CRISPLD2: variants seen among roughly 807,000 people sequenced by gnomAD.
The protein encoded by CRISPLD2 is cysteine rich secretory protein LCCL domain containing 2.
A neutral mutation model predicts 71.1 loss-of-function variants in CRISPLD2; 47 were observed. The observed-to-expected ratio is 0.66, with a 90% CI of 0.52 to 0.84. The LOEUF is 0.84. Ranked by LOEUF, CRISPLD2 falls within the 40% of genes least tolerant of loss-of-function variation. The pLI is 0.00. For synonymous variants in CRISPLD2, 317 were observed against 250.1 expected, an observed-to-expected ratio of 1.27 and a Z score of -2.52; for missense variants, 830 against 651.1, an observed-to-expected ratio of 1.27 and a Z score of -2.99.
chr16:84,873,494 A>AAAC (rs1234200442), intron 10 of CRISPLD2: 70 of 162,848 alleles, frequency 4.3e-4, no homozygotes, highest in African/African-American at 1.4e-3. Context: ...AAAAAAAAGA[A>AAAC]AACAACAACA....
At position 84,857,868 on chromosome 16, in the gene CRISPLD2, T is replaced by C. The variant is rs1233481361; in HGVS notation, c.709+3039T>C. Among the ~76,000 whole-genome samples, 3 of 152,184 alleles carry C rather than the reference T, an allele frequency of 2.0e-5. No individual in the cohort carries two copies. In the East Asian group the frequency reaches 5.8e-4, roughly 29 times the overall value. On this transcript the variant is annotated intron_variant, in intron 6 of 14. Transcript: ENST00000262424. The stretch of plus-strand genomic sequence containing the variant: ...TTGTGCTTTCAGGACTTGCTTGAGC[T>C]CAATCACACATATGCCACTTCCATT...
At chr16:84,850,711 G>T (rs371981993) in intron 5 of CRISPLD2, 28 bp downstream of exon 5, 5 of 1,575,890 alleles carry the variant, frequency 3.2e-6, no homozygotes, top group Non-Finnish European at 3.5e-6. Context: ...CGTTGTATGG[G>T]GTGGGGGTTG....
intron 13 of CRISPLD2, among the ~76,000 whole-genome samples, chr16:84,881,401 T>C (rs1174809121): frequency 6.6e-6 from 1 of 152,224 alleles, no homozygotes; most frequent in East Asian, 1.9e-4. Flanking sequence ...GCCCGGTTTT[T>C]CTTAGGTGGA....
Position 84,865,219 on chromosome 16 carries a change from G to A in CRISPLD2, c.710-1678G>A, listed in dbSNP as rs533794761. Among the ~76,000 whole-genome samples, 9 of 150,656 alleles carry A rather than the reference G, an allele frequency of 6.0e-5. No homozygotes were observed. In the East Asian group the frequency reaches 9.8e-4, roughly 16 times the overall value. ...CGCCCAGGCTGGAGTGCAGTGGCAC[G>A]ATCTCCACTCACTGCAACCTCCACC... On this transcript the variant is annotated intron_variant, in intron 6 of 14. Transcript: ENST00000262424.
chr16:84,835,033 C>T (rs1213050957), intron 1 of CRISPLD2, among the ~76,000 whole-genome samples: 3 of 152,122 alleles, frequency 2.0e-5, no homozygotes, highest in Non-Finnish European at 4.4e-5. Flanking sequence ...GTGCACCCAG[C>T]ACTGGGCTCT....
At chr16:84,861,483 TG>T (rs1297910547) in intron 6 of CRISPLD2, among the ~76,000 whole-genome samples, 1 of 152,158 alleles carries the variant, frequency 6.6e-6, no homozygotes, top group Admixed American at 6.5e-5. Flanking sequence ...GCATCCAGCA[TG>T]GGACAAAGAT....
intron 1 of CRISPLD2, among the ~76,000 whole-genome samples, chr16:84,823,221 A>G (rs1916271120): frequency 6.6e-6 from 1 of 152,118 alleles, no homozygotes; most frequent in Non-Finnish European, 1.5e-5. Context: ...GTAATATTCC[A>G]TTGCATTAAT....
intron 9 of CRISPLD2, 88 bp downstream of exon 9, chr16:84,872,596 AT>A: frequency 8.5e-7 from 1 of 1,174,646 alleles, no homozygotes; most frequent in Non-Finnish European, 1.2e-6. Context: ...GTAGGAAAAG[AT>A]TTTCTTTCCA....
rs1040279851 is a variant in CRISPLD2 at position 84,866,924 on chromosome 16, C to A, written c.737C>A (p.Thr246Lys). 2.5e-6 allele frequency: 4 copies of A among 1,613,976 alleles called. No homozygotes were observed. Among genetic ancestry groups the A allele is most frequent in the Non-Finnish European group, 2.5e-6 (3 of 1,179,980 alleles). ...REETYTPKPE[T>K]DEMNEVETAP... ...GAAACCTACACTCCAAAACCTGAAA[C>A]GGACGAGATGAATGAGGTGGAAACG... Residue 246 changes from threonine to lysine, a missense_variant, in exon 7 of 15, where the codon ACG (threonine) becomes AAG (lysine). Coordinates refer to ENST00000262424, the MANE Select transcript of CRISPLD2 (RefSeq NM_031476.4).
intron 2 of CRISPLD2, among the ~76,000 whole-genome samples, chr16:84,842,669 C>T (rs1170795350): frequency 1.3e-5 from 2 of 152,072 alleles, no homozygotes; most frequent in African/African-American, 2.4e-5. Context: ...CCACTGTGCC[C>T]AACCTACGTT....
chr16:84,883,610 C>T (rs946708272), intron 13 of CRISPLD2, among the ~76,000 whole-genome samples: 1 of 152,220 alleles, frequency 6.6e-6, no homozygotes, highest in Admixed American at 6.5e-5. Flanking sequence ...CCTCAGCATT[C>T]AGGATCAGTG....
intron 13 of CRISPLD2, among the ~76,000 whole-genome samples, chr16:84,881,594 A>G (rs2071569038): frequency 6.6e-6 from 1 of 152,056 alleles, no homozygotes; most frequent in African/African-American, 2.4e-5. Flanking sequence ...TAGATCTAAA[A>G]TTCTGTGATT....
intron 6 of CRISPLD2, among the ~76,000 whole-genome samples, chr16:84,866,629 G>A (rs979662237): frequency 6.6e-6 from 1 of 152,154 alleles, no homozygotes; most frequent in Non-Finnish European, 1.5e-5. Context: ...AGGTGTGGGC[G>A]TGGGGCCTGC....
chr16:84,826,186 C>T (rs1003229498), intron 1 of CRISPLD2, among the ~76,000 whole-genome samples: 3 of 152,148 alleles, frequency 2.0e-5, no homozygotes, highest in East Asian at 1.9e-4. Flanking sequence ...GCTGTGTGGA[C>T]GGTTCTGGTT....
At chr16:84,846,552 C>G (rs1197695782) in intron 3 of CRISPLD2, among the ~76,000 whole-genome samples, 1 of 152,140 alleles carries the variant, frequency 6.6e-6, no homozygotes, top group South Asian at 2.1e-4. Context: ...CCGCGCCTGG[C>G]CTGTAGTTTG....
intron 8 of CRISPLD2, among the ~76,000 whole-genome samples, chr16:84,872,233 C>T (rs893695955): frequency 2.0e-5 from 3 of 152,192 alleles, no homozygotes; most frequent in Admixed American, 2.0e-4. Context: ...AACCAATCCC[C>T]CACGGATACC....
chr16:84,865,101 A>C (rs1917498324), intron 6 of CRISPLD2, among the ~76,000 whole-genome samples: 1 of 151,388 alleles, frequency 6.6e-6, no homozygotes, highest in Non-Finnish European at 1.5e-5. Flanking sequence ...AAGCTCATGT[A>C]TTTTAAGAAG....
chr16:84,849,201 TG>T, intron 3 of CRISPLD2, 183 bp from the exon 4 acceptor site: 1 of 599,416 alleles, frequency 1.7e-6, no homozygotes, highest in Non-Finnish European at 2.9e-6. Context: ...TGGCTGCTCC[TG>T]GAATTGGGGG....
intron 1 of CRISPLD2, among the ~76,000 whole-genome samples, chr16:84,830,121 G>A (rs1916452162): frequency 6.6e-6 from 1 of 152,064 alleles, no homozygotes; most frequent in Non-Finnish European, 1.5e-5. Context: ...TCGGGAGTTC[G>A]AGGGTGGCCT....
Sources: gnomAD v4.1 joint callset for allele counts (sites outside exome capture counted in the v4.1 genomes callset) on GRCh38, gnomAD v4.1.1 for gene constraint, MANE v1.5 for transcripts, NCBI Gene and HGNC (gene_info 2026-07-23, HGNC 2026-07-21) for gene names.